Variants in KLK13 observed in about 807,000 individuals in gnomAD.
KLK13 encodes the protein kallikrein-13.
Under a neutral mutation model 22.4 loss-of-function variants are expected in KLK13, and 19 were observed. The observed-to-expected ratio is 0.85, with a 90% CI of 0.59 to 1.24. KLK13 has a LOEUF of 1.24. Among genes scored for constraint, KLK13 ranks in the 50% most tolerant of loss-of-function variants. The pLI is 0.00. For missense variants in KLK13, 311 were observed against 347.9 expected (o/e 0.89, Z 0.84); for synonymous variants, 156 against 141.8 (o/e 1.10, Z -0.71).
At chr19:51,065,596 T>A (rs1359570253), upstream of KLK13, among the ~76,000 whole-genome samples, 1 of 151,676 alleles carries the variant, frequency 6.6e-6, no homozygotes, top group Non-Finnish European at 1.5e-5. Flanking sequence ...CTCCCCTCCC[T>A]GCCCTCCTCC....
chr19:51,057,038 G>C lies in KLK13; in HGVS notation c.646-263C>G, dbSNP rs370291899. Among the ~76,000 whole-genome samples, 3 of 152,118 alleles carry C rather than the reference G, an allele frequency of 2.0e-5. No individual in the cohort carries two copies. In the East Asian group the frequency reaches 5.8e-4, roughly 29 times the overall value. ...ACAGAGATAGGCCCAGAGAAAGAGAGACACAGAGAAATTTCTGTGTTTTTC... is the reference window on the plus strand; with the variant it reads ...ACAGAGATAGGCCCAGAGAAAGAGACACACAGAGAAATTTCTGTGTTTTTC... On this transcript the variant is annotated intron_variant, in intron 4 of 4. Coordinates refer to ENST00000595793, the MANE Select transcript of KLK13 (RefSeq NM_015596.3).
intron 3 of KLK13, 118 bp from the exon 4 acceptor site, chr19:51,058,792 G>C (rs2122686562): frequency 1.0e-6 from 1 of 993,942 alleles, no homozygotes; most frequent in South Asian, 1.5e-5. Context: ...GGAAGAGAAA[G>C]ATGGGAGAAG....
chr19:51,060,559 C>T lies in KLK13; in HGVS notation c.113G>A (p.Gly38Asp), dbSNP rs1312009158. 22 of 1,613,724 alleles carry T rather than the reference C, an allele frequency of 1.4e-5. No homozygotes were observed. Among genetic ancestry groups the T allele is most frequent in the Middle Eastern group, 1.7e-4 (1 of 6,040 alleles). ...AGAGTGGGGGAAGCAGGTGTAGCCA[C>T]CTGGGAGAAACCCACTGGTCCCATT... Reference protein sequence around the residue: ...NTNGTSGFLPGGYTCFPHSQP... With the variant: ...NTNGTSGFLPDGYTCFPHSQP... Residue 38 changes from glycine (G) to aspartate (D), a missense_variant, in exon 2 of 5, where the codon GGT becomes GAT. Gly to Asp is a moderately conservative substitution (Grantham distance 94). Transcript: ENST00000595793.
At position 51,060,437 on chromosome 19, in the gene KLK13, T is replaced by TC; in HGVS notation, c.234_235insG (p.Lys79GlufsTer20). ...GCTCCCCCGGCCCCCACATACTCCT[T>TC]TAGACAGTGTGCGGCAGTGAGGACC... On this transcript the variant is annotated frameshift_variant, in exon 2 of 5. Coordinates refer to ENST00000595793, the MANE Select transcript of KLK13 (RefSeq NM_015596.3). LOFTEE classifies it high-confidence loss of function. 6.2e-7 allele frequency: 1 copy of TC among 1,606,700 alleles called. No homozygotes were observed. Among genetic ancestry groups the TC allele is most frequent in the Non-Finnish European group, 8.5e-7 (1 of 1,175,850 alleles).
chr19:51,060,315 C>T, intron 2 of KLK13, 118 bp downstream of exon 2: 1 of 1,170,816 alleles, frequency 8.5e-7, no homozygotes, highest in Non-Finnish European at 1.2e-6. Context: ...ACCTCATTCT[C>T]ACTCCCATGT....
At chr19:51,058,749 G>A in intron 3 of KLK13, 75 bp from the exon 4 acceptor site, 1 of 1,426,764 alleles carries the variant, frequency 7.0e-7, no homozygotes, top group Admixed American at 1.7e-5. Context: ...TAGGCGAGTT[G>A]AATGGGTAAA....
At chr19:51,060,128 G>A (rs1347537465) in intron 2 of KLK13, 35 bp from the exon 3 acceptor site, 1 of 1,609,528 alleles carries the variant, frequency 6.2e-7, no homozygotes, top group African/African-American at 1.3e-5. Context: ...TAGGAAAGAA[G>A]ATGAGCCCAT....
intron 1 of KLK13, among the ~76,000 whole-genome samples, chr19:51,063,043 T>C (rs2091745097): frequency 6.6e-6 from 1 of 152,204 alleles, no homozygotes; most frequent in African/African-American, 2.4e-5. Context: ...CTTTTAAACC[T>C]GATTTTGTCA....
Position 51,060,465 on chromosome 19 carries a change from T to C in KLK13, c.207A>G (p.Lys69=), listed in dbSNP as rs756237787. ...LLCGGVLVHP[K]WVLTAAHCLK... ...GACAGTGTGCGGCAGTGAGGACCCA[T>C]TTGGGGTGGACCAGGACTCCCCCAC... The change falls in exon 2 of 5, where the codon AAA becomes AAG. Residue 69 remains lysine (K), a synonymous_variant. Coordinates refer to ENST00000595793, the MANE Select transcript of KLK13 (RefSeq NM_015596.3). 1 of 1,612,712 alleles carries C rather than the reference T, an allele frequency of 6.2e-7. No individual in the cohort carries two copies. The highest frequency in any genetic ancestry group is 8.5e-7 in the Non-Finnish European group (1 of 1,179,294).
At chr19:51,058,815 A>G in intron 3 of KLK13, 141 bp from the exon 4 acceptor site, 1 of 829,858 alleles carries the variant, frequency 1.2e-6, no homozygotes, top group Non-Finnish European at 2.0e-6. Flanking sequence ...ATGAGCACCT[A>G]TCTGGGTAAA....
intron 4 of KLK13, 37 bp downstream of exon 4, chr19:51,058,501 A>T (rs764478688): frequency 3.1e-6 from 5 of 1,612,918 alleles, no homozygotes; most frequent in Non-Finnish European, 4.2e-6. Context: ...CTGGCTTTCT[A>T]TCCTGTCCAA....
chr19:51,059,874 A>G lies in KLK13; in HGVS notation c.459T>C (p.Pro153=), dbSNP rs940930072. Residue 153 remains proline (P), a synonymous_variant, in exon 3 of 5, where the codon CCT becomes CCC. Coordinates refer to ENST00000595793, the MANE Select transcript of KLK13 (RefSeq NM_015596.3). ...AGCCAGACACCCGACAGGTGGTGCC[A>G]GGGGTTAGGCGGTTGTTGTGGGAAA... is the stretch of plus-strand genomic sequence containing the variant. ...LPLSHNNRLT[P]GTTCRVSGWG... 6.2e-6 allele frequency: 10 copies of G among 1,604,216 alleles called. No individual in the cohort carries two copies. The highest frequency in any genetic ancestry group is 8.5e-6 in the Non-Finnish European group (10 of 1,174,688).
Position 51,061,044 on chromosome 19 carries a change from T to C in KLK13, c.53-425A>G, listed in dbSNP as rs148218382. Among the ~76,000 whole-genome samples, 110 of 152,276 alleles carry C rather than the reference T, an allele frequency of 7.2e-4. 3 individuals are homozygous for C. The highest frequency in any genetic ancestry group is 2.6e-3 in the African/African-American group (109 of 41,538). On this transcript the variant is annotated intron_variant, in intron 1 of 4. Transcript: ENST00000595793. Reference sequence around the variant, plus strand: ...ATCCATCCCCCATTCATCCTATTGATTTGTCCATCCGTCTACTCATCCATC... The same window carrying C: ...ATCCATCCCCCATTCATCCTATTGACTTGTCCATCCGTCTACTCATCCATC...
chr19:51,061,593 A>G (rs1268615043), intron 1 of KLK13, among the ~76,000 whole-genome samples: 3 of 152,142 alleles, frequency 2.0e-5, no homozygotes, highest in African/African-American at 7.2e-5. Context: ...TTATCTCCCA[A>G]ATATCCAGTT....
At chr19:51,058,386 C>T (rs1044794836) in intron 4 of KLK13, 152 bp downstream of exon 4, 11 of 851,168 alleles carry the variant, frequency 1.3e-5, no homozygotes, top group Non-Finnish European at 2.0e-5. Context: ...CCTGGGTACC[C>T]CTTTTTGTCT....
Position 51,056,491 on chromosome 19 carries a change from C to A in KLK13, c.*96G>T. 1 of 1,260,036 alleles carries A rather than the reference C, an allele frequency of 7.9e-7. No homozygotes were observed. Among genetic ancestry groups the A allele is most frequent in the South Asian group, 1.4e-5 (1 of 72,724 alleles). 78.1% of individuals were successfully genotyped at this position (1,260,036 alleles called of 1,614,324 possible). A position where few individuals can be genotyped will look rare whatever the true frequency, so the allele number is the denominator to read the frequency against. ...TTTTTCAGGACATGGATCACTGGTTCAAATGGAACACTGGGAATAAGGAGC... is the reference window on the plus strand; with the variant it reads ...TTTTTCAGGACATGGATCACTGGTTAAAATGGAACACTGGGAATAAGGAGC... On this transcript the variant is annotated 3_prime_UTR_variant, in exon 5 of 5. Transcript: ENST00000595793.
intron 1 of KLK13, among the ~76,000 whole-genome samples, chr19:51,064,229 T>G (rs915839579): frequency 1.3e-5 from 2 of 152,102 alleles, no homozygotes; most frequent in Admixed American, 6.5e-5. Context: ...CGGTGGCTCA[T>G]GCCTGTAATC....
Position 51,060,632 on chromosome 19 carries a change from A to C in KLK13, c.53-13T>G. On this transcript the variant is annotated splice_polypyrimidine_tract_variant and intron_variant, in intron 1 of 4. Coordinates refer to ENST00000595793, the MANE Select transcript of KLK13 (RefSeq NM_015596.3). ...TCCTGGGAGACACCTGGTAAAGAAGAGAGATTGTTAGAAAACTGGGATCCA... is the reference window on the plus strand; with the variant it reads ...TCCTGGGAGACACCTGGTAAAGAAGCGAGATTGTTAGAAAACTGGGATCCA... The C allele has an allele frequency of 1.3e-6, 2 of 1,564,810 alleles. No homozygotes were observed. Among genetic ancestry groups the C allele is most frequent in the Non-Finnish European group, 1.7e-6 (2 of 1,147,098 alleles).
intron 1 of KLK13, among the ~76,000 whole-genome samples, chr19:51,061,076 T>G (rs1203826485): frequency 3.9e-5 from 6 of 152,068 alleles, no homozygotes; most frequent in African/African-American, 1.2e-4. Flanking sequence ...CATCTATCCA[T>G]TCATCCATTT....
Sources: allele counts gnomAD v4.1 joint callset (sites outside exome capture counted in the v4.1 genomes callset), GRCh38; gene constraint gnomAD v4.1.1; transcripts MANE v1.5; gene names NCBI Gene and HGNC (gene_info 2026-07-23, HGNC 2026-07-21).